Variants in SMYD2 observed in about 807,000 individuals in gnomAD.
SMYD2 encodes N-lysine methyltransferase SMYD2.
Under a neutral mutation model 59.1 loss-of-function variants are expected in SMYD2, and 53 were observed. The observed-to-expected ratio is 0.90, with a 90% CI of 0.72 to 1.13. The LOEUF is 1.13. SMYD2 is among the 50% of genes most tolerant of loss of function. The probability of loss-of-function intolerance (pLI) is 0.00; values close to 1 mark genes in which losing one functional copy is unlikely to be tolerated. For missense variants in SMYD2, 494 were observed against 544.7 expected, an observed-to-expected ratio of 0.91 and a Z score of 0.93; for synonymous variants, 208 against 198.8, an observed-to-expected ratio of 1.05 and a Z score of -0.39.
chr1:214,311,672 T>C (rs528181653), intron 2 of SMYD2, among the ~76,000 whole-genome samples: 2 of 152,236 alleles, frequency 1.3e-5, no homozygotes, highest in East Asian at 3.9e-4. Context: ...TATGTAGTAT[T>C]TACAGTACCA....
At chr1:214,313,174 C>T (rs1037966696) in intron 2 of SMYD2, among the ~76,000 whole-genome samples, 1 of 151,926 alleles carries the variant, frequency 6.6e-6, no homozygotes, top group African/African-American at 2.4e-5. Flanking sequence ...TGGAGTGTAG[C>T]GGTGCACTCT....
rs77845898 is a variant in SMYD2 at position 214,327,209 on chromosome 1, G to A, written c.603-413G>A. On this transcript the variant is annotated intron_variant, in intron 6 of 11. Coordinates refer to ENST00000366957, the MANE Select transcript of SMYD2 (RefSeq NM_020197.3). Reference sequence around the variant, plus strand: ...GCATTTCTCAACATCTGAAAAAAACGTGAGAAATAATCCACTAATACAAAA... The same window carrying A: ...GCATTTCTCAACATCTGAAAAAAACATGAGAAATAATCCACTAATACAAAA... Among the ~76,000 whole-genome samples, 836 of 152,300 alleles carry A rather than the reference G, an allele frequency of 5.5e-3. 6 individuals carry two copies. Among genetic ancestry groups the A allele is most frequent in the Admixed American group, 0.011 (166 of 15,302 alleles).
rs61755311 is a variant in SMYD2, at chr1:214,318,946, T to G, written c.497T>G (p.Phe166Cys). The G allele has an allele frequency of 1.1e-3, 1,819 of 1,614,006 alleles. 23 individuals are homozygous for G. In the African/African-American group the frequency reaches 0.021, roughly 19 times the overall value. The change falls in exon 5 of 12, where the codon TTC (phenylalanine) becomes TGC (cysteine). Residue 166 changes from phenylalanine (F) to cysteine (C), a missense_variant. Phe to Cys is a radical substitution (Grantham distance 205). Coordinates refer to ENST00000366957, the MANE Select transcript of SMYD2 (RefSeq NM_020197.3). The surrounding 1 kb of genome is among the most constrained non-coding windows in gnomAD (Gnocchi z 5.4). ...LHHFYSKHLG[F>C]PDNDSLVVLF... is the part of the protein sequence containing the mutation. ...CACTTTTACTCCAAGCATCTCGGAT[T>G]CCCTGACAATGATAGCCTCGTAGTA...
intron 5 of SMYD2, among the ~76,000 whole-genome samples, chr1:214,320,809 AGT>A (rs1657161238): frequency 2.0e-5 from 3 of 152,284 alleles, no homozygotes; most frequent in African/African-American, 7.2e-5. Flanking sequence ...TCAAGTTTTG[AGT>A]GTTAAGGTAG....
intron 2 of SMYD2, among the ~76,000 whole-genome samples, chr1:214,306,068 A>G (rs1387697095): frequency 6.6e-6 from 1 of 152,044 alleles, no homozygotes; most frequent in African/African-American, 2.4e-5. Context: ...ATCTCTCTGG[A>G]CACCCCGTGG....
intron 5 of SMYD2, among the ~76,000 whole-genome samples, chr1:214,319,509 G>T (rs1423635034): frequency 6.6e-6 from 1 of 152,210 alleles, no homozygotes; most frequent in African/African-American, 2.4e-5. Context: ...ATCTTGTTTA[G>T]AGAAGTCTAG....
intron 9 of SMYD2, chr1:214,331,772 C>T (rs868451540): frequency 9.8e-6 from 4 of 409,596 alleles, no homozygotes; most frequent in Non-Finnish European, 1.7e-5. Flanking sequence ...ACATTGTTTA[C>T]ATCAGAACTA....
chr1:214,334,063 C>T (rs1657398215), intron 10 of SMYD2, 137 bp from the exon 11 acceptor site: 1 of 657,450 alleles, frequency 1.5e-6, no homozygotes, highest in African/African-American at 1.8e-5. Context: ...CCACCCAAAC[C>T]CTGGTGGGAT....
At chr1:214,322,733 G>T (rs768319107) in intron 5 of SMYD2, among the ~76,000 whole-genome samples, 5 of 152,148 alleles carry the variant, frequency 3.3e-5, no homozygotes, top group Non-Finnish European at 5.9e-5. Flanking sequence ...TCTGGCTCCT[G>T]TTCTGCCACT....
At chr1:214,307,877 C>A (rs1656939928) in intron 2 of SMYD2, among the ~76,000 whole-genome samples, 1 of 152,230 alleles carries the variant, frequency 6.6e-6, no homozygotes, top group Admixed American at 6.5e-5. Flanking sequence ...TATTACTCTA[C>A]AACAAGAAGT....
At chr1:214,324,458 G>A (rs1323243952) in intron 5 of SMYD2, among the ~76,000 whole-genome samples, 183 bp from the exon 6 acceptor site, 1 of 143,874 alleles carries the variant, frequency 7.0e-6, no homozygotes, top group African/African-American at 2.6e-5. Flanking sequence ...CTGCTTGTTT[G>A]TTTATGCATG....
chr1:214,299,793 A>C (rs578234857), intron 1 of SMYD2, among the ~76,000 whole-genome samples: 98 of 152,216 alleles, frequency 6.4e-4, no homozygotes, highest in African/African-American at 2.1e-3. Context: ...TTTTTAGTAG[A>C]GACAGGGCTT....
At chr1:214,281,461 G>T (rs777852815) in intron 1 of SMYD2, 34 bp downstream of exon 1, 20 of 1,326,896 alleles carry the variant, frequency 1.5e-5, no homozygotes, top group Non-Finnish European at 1.7e-5. Context: ...GCGGGCGGGA[G>T]CCGGGGGCGC....
At chr1:214,316,783 A>G (rs942825271) in intron 3 of SMYD2, among the ~76,000 whole-genome samples, 1 of 152,168 alleles carries the variant, frequency 6.6e-6, no homozygotes, top group Non-Finnish European at 1.5e-5. Flanking sequence ...GGTTGCCTGT[A>G]GAGTGAGACC....
chr1:214,298,815 A>G (rs1187837250), intron 1 of SMYD2, among the ~76,000 whole-genome samples: 1 of 152,232 alleles, frequency 6.6e-6, no homozygotes, highest in African/African-American at 2.4e-5. Context: ...ACGATGAGAA[A>G]CCATCTCACA....
chr1:214,332,357 A>G (rs1448007129), intron 10 of SMYD2, 165 bp downstream of exon 10: 4 of 753,294 alleles, frequency 5.3e-6, no homozygotes, highest in African/African-American at 1.8e-5. Flanking sequence ...CTCCCGAGTC[A>G]GGCCTGTTCT....
intron 1 of SMYD2, among the ~76,000 whole-genome samples, chr1:214,303,374 C>T (rs1220800291): frequency 1.3e-5 from 2 of 152,074 alleles, no homozygotes; most frequent in Non-Finnish European, 2.9e-5. Context: ...GTGCATTTCC[C>T]GAGAGAGCAA....
chr1:214,331,975 A>C (rs1394552667), intron 9 of SMYD2, 43 bp from the exon 10 acceptor site: 1 of 1,586,366 alleles, frequency 6.3e-7, no homozygotes, highest in South Asian at 1.2e-5. Context: ...GGAAGCCTCC[A>C]GGCAGCTTGG....
intron 1 of SMYD2, among the ~76,000 whole-genome samples, chr1:214,296,907 T>A (rs1656738492): frequency 6.6e-6 from 1 of 152,240 alleles, no homozygotes. Flanking sequence ...CTAGGATACT[T>A]GATCTTAGGT....
Sources: gnomAD v4.1 joint callset for allele counts (sites outside exome capture counted in the v4.1 genomes callset) on GRCh38, gnomAD v4.1.1 for gene constraint, Gnocchi (gnomAD v3.1) non-coding constraint, MANE v1.5 for transcripts, NCBI Gene and HGNC (gene_info 2026-07-23, HGNC 2026-07-21) for gene names.